TFDP2: variants seen among roughly 807,000 people sequenced by gnomAD.
The protein encoded by TFDP2 is transcription factor Dp-2.
Under a neutral mutation model 59.3 loss-of-function variants are expected in TFDP2, and 17 were observed. The observed-to-expected ratio is 0.29, with a 90% CI of 0.20 to 0.43. TFDP2 has a LOEUF of 0.43. Ranked by LOEUF, TFDP2 falls within the 20% of genes least tolerant of loss-of-function variation. TFDP2 has a pLI of 1.00. For missense variants in TFDP2, 391 were observed against 528.8 expected (o/e 0.74, Z 2.56); for synonymous variants, 180 against 194.7 (o/e 0.92, Z 0.63).
intron 1 of TFDP2, among the ~76,000 whole-genome samples, chr3:142,127,990 CA>C (rs1429641851): frequency 2.0e-5 from 3 of 152,066 alleles, no homozygotes. Flanking sequence ...TACCCGAGGC[CA>C]GTTCAGGATC....
chr3:142,113,944 C>A (rs2061753522), intron 1 of TFDP2, among the ~76,000 whole-genome samples: 1 of 152,070 alleles, frequency 6.6e-6, no homozygotes, highest in African/African-American at 2.4e-5. Flanking sequence ...GCGGGCGGAT[C>A]ACGAGGTCAG....
intron 1 of TFDP2, among the ~76,000 whole-genome samples, chr3:142,141,219 T>C (rs1318793866): frequency 1.3e-5 from 2 of 152,196 alleles, no homozygotes; most frequent in African/African-American, 4.8e-5. Context: ...GCTAAGACCA[T>C]GGGGAAAGTC....
At chr3:142,075,795 T>C (rs2060428812) in intron 3 of TFDP2, among the ~76,000 whole-genome samples, 1 of 139,718 alleles carries the variant, frequency 7.2e-6, no homozygotes, top group Non-Finnish European at 1.5e-5. Context: ...TAGTCCCAGC[T>C]AGTCAGGAGG....
At chr3:141,966,065 T>C (rs1938001995) in intron 9 of TFDP2, among the ~76,000 whole-genome samples, 1 of 151,990 alleles carries the variant, frequency 6.6e-6, no homozygotes, top group Non-Finnish European at 1.5e-5. Flanking sequence ...TGATAACTAA[T>C]GGCCCTTATG....
At chr3:142,043,734 C>G (rs1174452856) in intron 3 of TFDP2, 1 of 1,421,942 alleles carries the variant, frequency 7.0e-7, no homozygotes, top group East Asian at 2.3e-5. Flanking sequence ...ACCTGGGGGC[C>G]TCAGCCTGGT....
intron 3 of TFDP2, among the ~76,000 whole-genome samples, chr3:142,085,389 T>C (rs2060779217): frequency 6.6e-6 from 1 of 152,170 alleles, no homozygotes; most frequent in Admixed American, 6.5e-5. Context: ...TATATATGTA[T>C]ACACATCTAT....
At chr3:142,004,373 A>G (rs1944053841) in intron 4 of TFDP2, among the ~76,000 whole-genome samples, 1 of 152,236 alleles carries the variant, frequency 6.6e-6, no homozygotes, top group Non-Finnish European at 1.5e-5. Flanking sequence ...AACATAGTCC[A>G]CAGTGCTGTT....
chr3:142,102,938 TA>T lies in TFDP2; in HGVS notation c.-92-1098del, dbSNP rs532631611. Among the ~76,000 whole-genome samples the T allele has an allele frequency of 2.2e-3, 341 of 152,242 alleles. 3 individuals are homozygous for T. Among genetic ancestry groups the T allele is most frequent in the African/African-American group, 8.0e-3 (334 of 41,564 alleles). On this transcript the variant is annotated intron_variant, in intron 1 of 12. Transcript: ENST00000489671. ...GAAAGGCTGAGAAACTTTCCAGATT[TA>T]AAAAGACTAAAAACTGCTGGGCGCA...
intron 4 of TFDP2, among the ~76,000 whole-genome samples, chr3:141,997,747 G>A (rs1354701892): frequency 6.6e-6 from 1 of 150,440 alleles, no homozygotes; most frequent in Admixed American, 6.7e-5. Context: ...CTACCTGGAA[G>A]GCTGAGGCAG....
At chr3:142,071,063 G>A (rs1400271904) in intron 3 of TFDP2, among the ~76,000 whole-genome samples, 2 of 152,096 alleles carry the variant, frequency 1.3e-5, no homozygotes, top group African/African-American at 4.8e-5. Flanking sequence ...ATAAGACAGA[G>A]AAAAGAGAAC....
intron 3 of TFDP2, among the ~76,000 whole-genome samples, chr3:142,019,519 T>C (rs1052591224): frequency 6.6e-6 from 1 of 152,248 alleles, no homozygotes; most frequent in African/African-American, 2.4e-5. Flanking sequence ...CCTGGAAGTG[T>C]ACTTTATACA....
rs1264969183 is a variant in TFDP2, at chr3:142,121,147, A to ATTT, written c.-92-19309_-92-19307dup. On this transcript the variant is annotated intron_variant, in intron 1 of 12. Transcript: ENST00000489671. The surrounding 1 kb of genome is among the most constrained non-coding windows in gnomAD (Gnocchi z 4.3). Reference sequence around the variant, plus strand: ...TTTGTGAAAGACTCACATTGAATGAATTTTTAAAAAGTCAGAAGTTTTAAC... The same window carrying ATTT: ...TTTGTGAAAGACTCACATTGAATGAATTTTTTTTAAAAAGTCAGAAGTTTTAAC... Among the ~76,000 whole-genome samples, 2 of 152,104 alleles carry ATTT rather than the reference A, an allele frequency of 1.3e-5. No individual in the cohort carries two copies. Among genetic ancestry groups the ATTT allele is most frequent in the Admixed American group, 6.6e-5 (1 of 15,260 alleles).
chr3:142,051,613 A>T (rs1016811360), intron 3 of TFDP2, among the ~76,000 whole-genome samples: 5 of 152,188 alleles, frequency 3.3e-5, no homozygotes, highest in Admixed American at 6.5e-5. Context: ...CCAAGAGAGT[A>T]CAGTATTGGC....
At chr3:141,996,807 G>A (rs1559998219) in intron 4 of TFDP2, among the ~76,000 whole-genome samples, 1 of 152,202 alleles carries the variant, frequency 6.6e-6, no homozygotes, top group Non-Finnish European at 1.5e-5. Flanking sequence ...CTTGGGGCTA[G>A]GAAGATGTTA....
At chr3:142,039,917 G>T (rs1351601681) in intron 3 of TFDP2, among the ~76,000 whole-genome samples, 1 of 152,098 alleles carries the variant, frequency 6.6e-6, no homozygotes, top group Non-Finnish European at 1.5e-5. Context: ...CAAGTACACT[G>T]AACATAATGA....
intron 3 of TFDP2, among the ~76,000 whole-genome samples, chr3:142,042,625 C>CTTTTTT (rs1489217440): frequency 1.4e-5 from 1 of 70,604 alleles, no homozygotes; most frequent in African/African-American, 6.3e-5. Flanking sequence ...CTTTTCTTTT[C>CTTTTTT]TTTTCTTTTT....
chr3:142,046,081 A>G (rs1334664255), intron 3 of TFDP2, among the ~76,000 whole-genome samples: 1 of 152,154 alleles, frequency 6.6e-6, no homozygotes, highest in Non-Finnish European at 1.5e-5. Flanking sequence ...TCAGTTTGTC[A>G]TGACTTAAAG....
intron 2 of TFDP2, among the ~76,000 whole-genome samples, chr3:142,096,563 T>C (rs578041533): frequency 4.6e-5 from 7 of 152,222 alleles, no homozygotes; most frequent in Non-Finnish European, 1.0e-4. Context: ...AAACATGATG[T>C]TATAAGATAC....
At chr3:142,059,588 C>CT (rs984868293) in intron 3 of TFDP2, among the ~76,000 whole-genome samples, 10 of 151,386 alleles carry the variant, frequency 6.6e-5, no homozygotes, top group East Asian at 5.8e-4. Context: ...AGCTTTCTTT[C>CT]TTTTTTTTTG....
Sources: allele counts gnomAD v4.1 joint callset (sites outside exome capture counted in the v4.1 genomes callset), GRCh38; gene constraint gnomAD v4.1.1; non-coding constraint Gnocchi (gnomAD v3.1); transcripts MANE v1.5; gene names NCBI Gene and HGNC (gene_info 2026-07-23, HGNC 2026-07-21).